The following AURKC variants were observed in gnomAD, a reference collection of about 807,000 sequenced individuals.
AURKC encodes the protein ARK-3.
In AURKC, 15 loss-of-function variants were observed where a neutral mutation model predicts 29.2. That is an observed-to-expected ratio of 0.51 (90% confidence interval 0.34 to 0.79). The LOEUF (loss-of-function observed/expected upper bound fraction) is 0.79. Among genes scored for constraint, AURKC ranks in the 30% least tolerant of loss-of-function variants. The pLI is 0.01. For synonymous variants in AURKC, 150 were observed against 149.9 expected (o/e 1.00, Z -0.01); for missense variants, 332 against 383.2 (o/e 0.87, Z 1.12).
rs961630648 is a variant in AURKC at position 57,232,073 on chromosome 19, C to T, written c.145C>T (p.Leu49=). The T allele has an allele frequency of 1.2e-6, 2 of 1,614,118 alleles. No individual in the cohort carries two copies. The highest frequency in any genetic ancestry group is 3.3e-5 in the Admixed American group (2 of 60,018). The change falls in exon 3 of 7, where the codon CTG becomes TTG. Residue 49 remains leucine (L), a synonymous_variant. Coordinates refer to ENST00000302804, the MANE Select transcript of AURKC (RefSeq NM_001015878.2). This position sits in a 1 kb window ranked among gnomAD's most constrained non-coding sequence, Gnocchi z 4.5. ...TVDDFEIGRP[L]GKGKFGNVYL... ...CGATGACTTTGAAATCGGGCGTCCC[C>T]TGGGCAAGGGGAAATTTGGGAATGT... is the stretch of plus-strand genomic sequence containing the variant.
At chr19:57,234,192 G>A (rs1294627973) in intron 5 of AURKC, among the ~76,000 whole-genome samples, 2 of 151,742 alleles carry the variant, frequency 1.3e-5, no homozygotes, top group Non-Finnish European at 2.9e-5. Context: ...CAAGTAGCTG[G>A]GATTACAGGC....
In AURKC at chr19:57,231,274, A is replaced by T. The variant is rs990631555; in HGVS notation, c.26A>T (p.Gln9Leu). Residue 9 changes from glutamine (Q) to leucine (L), a missense_variant, in exon 1 of 7, where the codon CAG (glutamine) becomes CTG (leucine). Transcript: ENST00000302804. Reference protein sequence around the residue: MSSPRAVVQLGKAQPAGEE... With the variant: MSSPRAVVLLGKAQPAGEE... ...ATGAGCTCCCCCAGAGCTGTGGTGC[A>T]GCTGGGCAAAGCTCAACCTGCAGGC... 2.6e-6 allele frequency: 4 copies of T among 1,552,486 alleles called. No homozygotes were observed. The highest frequency in any genetic ancestry group is 2.0e-5 in the Admixed American group (1 of 51,200).
chr19:57,232,168 G>A lies in AURKC; in HGVS notation c.240G>A (p.Glu80=), dbSNP rs760299314. The A allele has an allele frequency of 6.8e-6, 11 of 1,614,132 alleles. No individual in the cohort carries two copies. In the South Asian group the frequency reaches 8.8e-5, roughly 13 times the overall value. Residue 80 remains glutamate, a synonymous_variant, in exon 3 of 7, where the codon GAG becomes GAA. Coordinates refer to ENST00000302804, the MANE Select transcript of AURKC (RefSeq NM_001015878.2). The surrounding 1 kb of genome is among the most constrained non-coding windows in gnomAD (Gnocchi z 4.5). The stretch of plus-strand genomic sequence containing the variant: ...AGGTTCTCTTCAAGTCGCAGATAGA[G>A]AAGGAAGGACTGGAGCACCAGCTGC... ...ALKVLFKSQI[E]KEGLEHQLRR... is the part of the protein sequence containing the mutation.
At chr19:57,231,676 T>C in intron 1 of AURKC, 66 bp from the exon 2 acceptor site, 1 of 1,579,734 alleles carries the variant, frequency 6.3e-7, no homozygotes, top group Non-Finnish European at 8.7e-7. Context: ...TCCTCTCCTC[T>C]CTTTCTCTCC....
Position 57,235,499 on chromosome 19 carries a change from CT to C in AURKC, c.*86del, listed in dbSNP as rs1456579512. On this transcript the variant is annotated 3_prime_UTR_variant, in exon 7 of 7. Coordinates refer to ENST00000302804, the MANE Select transcript of AURKC (RefSeq NM_001015878.2). ...ACCTCATTTGTCTTTATTTTTTTCT[CT>C]TTTAAGATGTAAGATGCTAATTAAT... 6.5e-7 allele frequency: 1 copy of C among 1,537,228 alleles called. No individual in the cohort carries two copies. Among genetic ancestry groups the C allele is most frequent in the Non-Finnish European group, 8.9e-7 (1 of 1,117,398 alleles).
chr19:57,232,692 G>C lies in AURKC; in HGVS notation c.435+12G>C. ...AGCGCACAGCCACGGTGAGGTGCGG[G>C]TCTGGAGGCTCTGGGGTCTCTGAGT... is the stretch of plus-strand genomic sequence containing the variant. On this transcript the variant is annotated intron_variant, in intron 4 of 6. Coordinates refer to ENST00000302804, the MANE Select transcript of AURKC (RefSeq NM_001015878.2). The surrounding 1 kb of genome is among the most constrained non-coding windows in gnomAD (Gnocchi z 4.5). The C allele has an allele frequency of 6.2e-7, 1 of 1,613,012 alleles. No homozygotes were observed. The highest frequency in any genetic ancestry group is 1.3e-5 in the African/African-American group (1 of 75,024).
chr19:57,231,309 G>C lies in AURKC; in HGVS notation c.58+3G>C. The stretch of plus-strand genomic sequence containing the variant: ...AGCTCAACCTGCAGGCGAAGAGTGT[G>C]AGAGCCAGCGCCAGAGAAAGGACGC... On this transcript the variant is annotated splice_donor_region_variant and intron_variant, in intron 1 of 6. Coordinates refer to ENST00000302804, the MANE Select transcript of AURKC (RefSeq NM_001015878.2). The C allele has an allele frequency of 1.3e-6, 2 of 1,552,838 alleles. No homozygotes were observed. The highest frequency in any genetic ancestry group is 1.7e-6 in the Non-Finnish European group (2 of 1,147,674).
chr19:57,231,305 G>C lies in AURKC; in HGVS notation c.57G>C (p.Glu19Asp). The part of the protein sequence containing the change: ...QLGKAQPAGE[E>D]LATANQTAQQ... ...GCAAAGCTCAACCTGCAGGCGAAGA[G>C]TGTGAGAGCCAGCGCCAGAGAAAGG... Residue 19 changes from glutamate to aspartate, a missense_variant and splice_region_variant, in exon 1 of 7, where the codon GAG becomes GAC. Transcript: ENST00000302804. 6.4e-7 allele frequency: 1 copy of C among 1,552,994 alleles called. No homozygotes were observed. Among genetic ancestry groups the C allele is most frequent in the Non-Finnish European group, 8.7e-7 (1 of 1,147,712 alleles).
At chr19:57,231,380 CAT>C (rs758440815) in intron 1 of AURKC, 74 bp downstream of exon 1, 46 of 1,473,160 alleles carry the variant, frequency 3.1e-5, no homozygotes, top group Admixed American at 1.4e-4. Context: ...ACAGAAGACA[CAT>C]GTGTTGACAT....
In AURKC at chr19:57,233,455, C is replaced by T. The variant is rs748889292; in HGVS notation, c.436-5C>T. On this transcript the variant is annotated splice_polypyrimidine_tract_variant and splice_region_variant and intron_variant, in intron 4 of 6. Coordinates refer to ENST00000302804, the MANE Select transcript of AURKC (RefSeq NM_001015878.2). ...TTCCAGGGTGACTTTTCTTTGCACC[C>T]ACAGATAATAGAGGAGTTGGCAGAT... is the stretch of plus-strand genomic sequence containing the variant. The T allele has an allele frequency of 1.2e-6, 2 of 1,614,090 alleles. No individual in the cohort carries two copies. The highest frequency in any genetic ancestry group is 3.3e-5 in the Admixed American group (2 of 60,010).
At chr19:57,234,142 C>T (rs2087523348) in intron 5 of AURKC, among the ~76,000 whole-genome samples, 1 of 149,664 alleles carries the variant, frequency 6.7e-6, no homozygotes, top group Non-Finnish European at 1.5e-5. Flanking sequence ...ACTGCAACCT[C>T]CCCCTCCCAG....
rs2087484333 is a variant in AURKC, at chr19:57,231,196, A to C, written c.-53A>C. On this transcript the variant is annotated 5_prime_UTR_variant, in exon 1 of 7. Coordinates refer to ENST00000302804, the MANE Select transcript of AURKC (RefSeq NM_001015878.2). ...CCCCTTTCAGGACCCTGTGAACGGGAACAGCCATCCAGAGGGTTCAGGAAG... is the reference window on the plus strand; with the variant it reads ...CCCCTTTCAGGACCCTGTGAACGGGCACAGCCATCCAGAGGGTTCAGGAAG... The C allele has an allele frequency of 5.8e-6, 9 of 1,551,478 alleles. No homozygotes were observed. The highest frequency in any genetic ancestry group is 7.8e-6 in the Non-Finnish European group (9 of 1,146,928).
intron 1 of AURKC, 172 bp from the exon 2 acceptor site, chr19:57,231,570 C>G (rs1293821450): frequency 1.3e-6 from 1 of 799,134 alleles, no homozygotes; most frequent in African/African-American, 1.7e-5. Flanking sequence ...TTCCCCTTAC[C>G]TCTCCCTCCC....
chr19:57,231,107 A>G lies in AURKC; in HGVS notation c.-142A>G. The G allele has an allele frequency of 2.6e-6, 4 of 1,528,398 alleles. No individual in the cohort carries two copies. The highest frequency in any genetic ancestry group is 1.2e-5 in the South Asian group (1 of 83,530). The allele number at this position is 1,528,398 out of a possible 1,614,324, so 94.7% of individuals were successfully genotyped here. On this transcript the variant is annotated 5_prime_UTR_variant, in exon 1 of 7. Coordinates refer to ENST00000302804, the MANE Select transcript of AURKC (RefSeq NM_001015878.2). ...GGATCCCGAAGCCTGTGTAGCAGTG[A>G]GACATCAGTGAGGCTGCAGGACGAG...
chr19:57,234,059 T>C (rs977379563), intron 5 of AURKC, among the ~76,000 whole-genome samples: 11 of 146,846 alleles, frequency 7.5e-5, no homozygotes, highest in Middle Eastern at 3.2e-3. Context: ...TTTTCTTTTT[T>C]TTTTTTTTTT....
chr19:57,233,556 G>A lies in AURKC; in HGVS notation c.532G>A (p.Gly178Ser), dbSNP rs765370411. Residue 178 changes from glycine to serine, a missense_variant, in exon 5 of 7, where the codon GGT (glycine) becomes AGT (serine). Transcript: ENST00000302804. ...AGAGAACCTGCTGCTGGGGTTCAGG[G>A]GTGAGGTGAAGATTGCAGATTTTGG... ...KPENLLLGFR[G>S]EVKIADFGWS... is the part of the protein sequence containing the mutation. 6.2e-7 allele frequency: 1 copy of A among 1,614,128 alleles called. No individual in the cohort carries two copies. Among genetic ancestry groups the A allele is most frequent in the Non-Finnish European group, 8.5e-7 (1 of 1,180,038 alleles).
In AURKC at chr19:57,233,524, T is replaced by C. The variant is rs776978723; in HGVS notation, c.500T>C (p.Ile167Thr). ...CHDKKVIHRD[I>T]KPENLLLGFR... Reference sequence around the variant, plus strand: ...GACAAGAAAGTGATTCACAGAGATATTAAGCCAGAGAACCTGCTGCTGGGG... The same window carrying C: ...GACAAGAAAGTGATTCACAGAGATACTAAGCCAGAGAACCTGCTGCTGGGG... The change falls in exon 5 of 7, where the codon ATT becomes ACT. Residue 167 changes from isoleucine to threonine, a missense_variant. Physicochemically the swap from Ile to Thr is moderately conservative, Grantham distance 89. Transcript: ENST00000302804. 3.7e-6 allele frequency: 6 copies of C among 1,614,060 alleles called. No individual in the cohort carries two copies. The highest frequency in any genetic ancestry group is 2.2e-5 in the East Asian group (1 of 44,890).
chr19:57,231,068 G>C lies in AURKC; in HGVS notation c.-181G>C. The C allele has an allele frequency of 7.0e-7, 1 of 1,426,492 alleles. No individual in the cohort carries two copies. Among genetic ancestry groups the C allele is most frequent in the Non-Finnish European group, 9.7e-7 (1 of 1,031,656 alleles). 88.4% of individuals were successfully genotyped at this position (1,426,492 alleles called of 1,614,324 possible). Reference sequence around the variant, plus strand: ...AAAAGAAGGCCGCGCAGCCACGGCTGCTCACGACGCCGCGGATCCCGAAGC... The same window carrying C: ...AAAAGAAGGCCGCGCAGCCACGGCTCCTCACGACGCCGCGGATCCCGAAGC... On this transcript the variant is annotated 5_prime_UTR_variant, in exon 1 of 7. Transcript: ENST00000302804.
Position 57,231,073 on chromosome 19 carries a change from C to T in AURKC, c.-176C>T. ...AAGGCCGCGCAGCCACGGCTGCTCA[C>T]GACGCCGCGGATCCCGAAGCCTGTG... is the stretch of plus-strand genomic sequence containing the variant. On this transcript the variant is annotated 5_prime_UTR_variant, in exon 1 of 7. In the 5' UTR this introduces an upstream ATG that the reference lacks. Coordinates refer to ENST00000302804, the MANE Select transcript of AURKC (RefSeq NM_001015878.2). The T allele has an allele frequency of 1.4e-6, 2 of 1,455,322 alleles. No homozygotes were observed. The highest frequency in any genetic ancestry group is 1.9e-6 in the Non-Finnish European group (2 of 1,058,256). The allele number at this position is 1,455,322 out of a possible 1,614,324, so 90.2% of individuals were successfully genotyped here.
Sources: gnomAD v4.1 joint callset for allele counts (sites outside exome capture counted in the v4.1 genomes callset) on GRCh38, gnomAD v4.1.1 for gene constraint, Gnocchi (gnomAD v3.1) non-coding constraint, MANE v1.5 for transcripts, NCBI Gene and HGNC (gene_info 2026-07-23, HGNC 2026-07-21) for gene names.